Variants in AIFM1 observed in about 807,000 individuals in gnomAD.
The protein encoded by AIFM1 is apoptosis inducing factor mitochondria associated 1.
Under a neutral mutation model 51.7 loss-of-function variants are expected in AIFM1, and 3 were observed. The observed-to-expected ratio is 0.06, with a 90% CI of 0.03 to 0.15. The LOEUF (loss-of-function observed/expected upper bound fraction) is 0.15, where lower values mean the gene tolerates loss of function less well. AIFM1 is among the 10% of genes least tolerant of loss of function. AIFM1 has a pLI of 1.00. For missense variants in AIFM1, 330 were observed against 476.8 expected, an observed-to-expected ratio of 0.69 and a Z score of 2.87; for synonymous variants, 178 against 179.4, an observed-to-expected ratio of 0.99 and a Z score of 0.06.
intron 2 of AIFM1, among the ~76,000 whole-genome samples, chrX:130,152,157 TA>T (rs1356366663): frequency 9.0e-6 from 1 of 111,385 alleles, no homozygotes; most frequent in Non-Finnish European, 1.9e-5. Context: ...AAGTTTTACC[TA>T]AAAAGATGGC....
intron 12 of AIFM1, among the ~76,000 whole-genome samples, chrX:130,134,865 T>C (rs766625243): frequency 9.0e-6 from 1 of 111,640 alleles, no homozygotes; most frequent in African/African-American, 3.3e-5. Flanking sequence ...GTTTACAAAG[T>C]CTGAAGCAAC....
At position 130,165,593 on chromosome X, in the gene AIFM1, T is replaced by C. The variant is rs2031505134; in HGVS notation, c.64A>G (p.Thr22Ala). 4 of 1,202,393 alleles carry C rather than the reference T, an allele frequency of 3.3e-6. No individual in the cohort carries two copies. In the South Asian group the frequency reaches 7.2e-5, roughly 22 times the overall value. The change falls in exon 1 of 16, where the codon ACC becomes GCC. Residue 22 changes from threonine to alanine, a missense_variant. Around this residue, in one of 4 missense-constraint regions of AIFM1, gnomAD observed 110 missense variants for 103.1 expected, o/e 1.07. Coordinates refer to ENST00000287295, the MANE Select transcript of AIFM1 (RefSeq NM_004208.4). ...LKQKLVPLVRTVCVRSPRQRN... is the reference protein window; with the variant it reads ...LKQKLVPLVRAVCVRSPRQRN... The stretch of plus-strand genomic sequence containing the variant: ...TGCCTCGGGCTTCGGACGCACACGG[T>C]CCGCACCAAGGGCACCAGCTTCTGC...
chrX:130,132,654 T>C (rs1457716917), intron 13 of AIFM1, among the ~76,000 whole-genome samples: 9 of 112,785 alleles, frequency 8.0e-5, no homozygotes, highest in Non-Finnish European at 1.7e-4. Context: ...CCCCCGGCCT[T>C]GGCCTCCCAA....
intron 5 of AIFM1, among the ~76,000 whole-genome samples, chrX:130,147,056 A>T (rs1219423247): frequency 9.0e-6 from 1 of 111,463 alleles, no homozygotes; most frequent in East Asian, 2.8e-4. Flanking sequence ...CAGCTACTTG[A>T]GAAGCTGAGG....
In AIFM1 at chrX:130,165,814, CGG is replaced by C. The variant is rs976476663; in HGVS notation, c.-160_-159del. 2 of 529,801 alleles carry C rather than the reference CGG, an allele frequency of 3.8e-6. No homozygotes were observed. The highest frequency in any genetic ancestry group is 2.3e-5 in the African/African-American group (1 of 44,189). 43.7% of individuals were successfully genotyped at this position (529,801 alleles called of 1,213,427 possible). A position where few individuals can be genotyped will look rare whatever the true frequency, so the allele number is the denominator to read the frequency against. On this transcript the variant is annotated 5_prime_UTR_variant, in exon 1 of 16. Transcript: ENST00000287295. Reference sequence around the variant, plus strand: ...CCGGGTGGGCATTGGACAGAGAAGCCGGCCTGCTAGAGCCGGGGAAGGGGAAC... The same window carrying C: ...CCGGGTGGGCATTGGACAGAGAAGCCCCTGCTAGAGCCGGGGAAGGGGAAC...
chrX:130,159,208 G>C (rs760731612), intron 1 of AIFM1, among the ~76,000 whole-genome samples: 30 of 111,305 alleles, frequency 2.7e-4, no homozygotes, highest in Non-Finnish European at 4.7e-4. Flanking sequence ...ATGAAAACTT[G>C]ATAGTCTTAA....
At chrX:130,160,588 A>C (rs1226699446) in intron 1 of AIFM1, among the ~76,000 whole-genome samples, 1 of 112,058 alleles carries the variant, frequency 8.9e-6, no homozygotes, top group East Asian at 2.8e-4. Flanking sequence ...TATTACTATT[A>C]AAATTTTTTT....
intron 2 of AIFM1, 88 bp downstream of exon 2, chrX:130,156,373 G>C: frequency 8.7e-7 from 1 of 1,150,737 alleles, no homozygotes; most frequent in South Asian, 1.8e-5. Context: ...AGGGGAATTA[G>C]TTGCAAAAGT....
At chrX:130,150,976 T>TTAAAAAAAAAAAA (rs1335709210) in intron 2 of AIFM1, among the ~76,000 whole-genome samples, 1 of 23,508 alleles carries the variant, frequency 4.3e-5, no homozygotes, top group Non-Finnish European at 6.3e-5. Context: ...AGACTCTGTC[T>TTAAAAAAAAAAAA]CAAAAAAAAA....
At chrX:130,149,655 C>A in intron 2 of AIFM1, 87 bp from the exon 3 acceptor site, 1 of 707,761 alleles carries the variant, frequency 1.4e-6, no homozygotes, top group Non-Finnish European at 2.2e-6. Flanking sequence ...AAATGAGAAG[C>A]TTTTGTCTAT....
At chrX:130,165,406 C>G in intron 1 of AIFM1, 145 bp downstream of exon 1, 1 of 540,096 alleles carries the variant, frequency 1.9e-6, no homozygotes, top group South Asian at 2.6e-5. Context: ...TTGCAAGACT[C>G]AGGGTTCGGA....
chrX:130,134,419 C>T (rs184070290), intron 12 of AIFM1, among the ~76,000 whole-genome samples: 3 of 110,798 alleles, frequency 2.7e-5, no homozygotes, highest in Admixed American at 1.9e-4. Flanking sequence ...CTGCCTCTCA[C>T]CTAGAAATGT....
At chrX:130,149,429 G>A in intron 3 of AIFM1, 40 bp downstream of exon 3, 1 of 1,090,755 alleles carries the variant, frequency 9.2e-7, no homozygotes, top group South Asian at 1.8e-5. Context: ...CTTTCCCTTT[G>A]TGAGTCTCAA....
chrX:130,134,278 C>T (rs1433223482), intron 12 of AIFM1, among the ~76,000 whole-genome samples: 1 of 110,412 alleles, frequency 9.1e-6, no homozygotes, highest in African/African-American at 3.3e-5. Context: ...TTCCATAAAG[C>T]TAACCTAAAT....
intron 2 of AIFM1, among the ~76,000 whole-genome samples, chrX:130,154,841 T>G (rs2031109805): frequency 8.9e-6 from 1 of 112,720 alleles, no homozygotes; most frequent in Non-Finnish European, 1.9e-5. Context: ...TTGTTAGATA[T>G]GCAGCACTAA....
intron 2 of AIFM1, chrX:130,155,060 G>A (rs1229780122): frequency 3.8e-6 from 4 of 1,053,279 alleles, no homozygotes; most frequent in Non-Finnish European, 5.3e-6. Context: ...AGCACATGCT[G>A]TGAATATTTT....
chrX:130,145,700 A>G (rs111496212), intron 5 of AIFM1, 131 bp from the exon 6 acceptor site: 79 of 520,969 alleles, frequency 1.5e-4, no homozygotes, highest in African/African-American at 1.1e-3. Context: ...CTCCAAGTCT[A>G]TTAAATCATG....
intron 14 of AIFM1, among the ~76,000 whole-genome samples, chrX:130,130,522 A>G (rs1569415465): frequency 8.9e-6 from 1 of 112,656 alleles, no homozygotes; most frequent in Non-Finnish European, 1.9e-5. Flanking sequence ...CTAGAGCTGC[A>G]TGGTCCAAAT....
chrX:130,147,381 G>T, intron 5 of AIFM1, 112 bp downstream of exon 5: 1 of 985,010 alleles, frequency 1.0e-6, no homozygotes, highest in Non-Finnish European at 1.4e-6. Flanking sequence ...GTAGACTCTA[G>T]TGGACAGCCA....
Sources: gnomAD v4.1 joint callset for allele counts (sites outside exome capture counted in the v4.1 genomes callset) on GRCh38, gnomAD v4.1.1 for gene constraint, gnomAD v4.1.1 regional missense constraint, MANE v1.5 for transcripts, NCBI Gene and HGNC (gene_info 2026-07-23, HGNC 2026-07-21) for gene names.